The following CAMK2A variants were observed in gnomAD, a reference collection of about 807,000 sequenced individuals.
The protein encoded by CAMK2A is calcium/calmodulin-dependent protein kinase type II subunit alpha.
A neutral mutation model predicts 79.2 loss-of-function variants in CAMK2A; 7 were observed. The ratio of observed to expected loss-of-function variants is 0.09; its 90% CI spans 0.05 to 0.17. The LOEUF (loss-of-function observed/expected upper bound fraction) is 0.17, where lower values mean the gene tolerates loss of function less well. Ranked by LOEUF, CAMK2A falls within the 10% of genes least tolerant of loss-of-function variation. The pLI is 1.00. For missense variants in CAMK2A, 214 were observed against 646.4 expected, an observed-to-expected ratio of 0.33 and a Z score of 7.25; for synonymous variants, 242 against 251.7, an observed-to-expected ratio of 0.96 and a Z score of 0.36.
chr5:150,250,924 A>T, intron 9 of CAMK2A, 114 bp from the exon 10 acceptor site: 1 of 1,218,316 alleles, frequency 8.2e-7, no homozygotes, highest in Non-Finnish European at 1.2e-6. Context: ...ATCCACTCGG[A>T]CATCCACACC....
At chr5:150,238,075 G>A (rs1006341973) in intron 15 of CAMK2A, among the ~76,000 whole-genome samples, 1 of 152,118 alleles carries the variant, frequency 6.6e-6, no homozygotes, top group Non-Finnish European at 1.5e-5. Flanking sequence ...ACTTCAAAAG[G>A]AACATGTATA....
At chr5:150,233,041 C>T (rs933103566) in intron 15 of CAMK2A, among the ~76,000 whole-genome samples, 1 of 152,254 alleles carries the variant, frequency 6.6e-6, no homozygotes, top group African/African-American at 2.4e-5. Flanking sequence ...TGCCCGAATG[C>T]TTTATCTATG....
chr5:150,268,582 A>G (rs748880558), intron 2 of CAMK2A, among the ~76,000 whole-genome samples: 11 of 152,142 alleles, frequency 7.2e-5, no homozygotes, highest in Non-Finnish European at 1.6e-4. Context: ...TGTTCTTTTC[A>G]GTCTCACTGC....
intron 1 of CAMK2A, among the ~76,000 whole-genome samples, chr5:150,278,395 G>C (rs1051760226): frequency 2.7e-5 from 4 of 147,588 alleles, no homozygotes; most frequent in African/African-American, 1.0e-4. Context: ...AAAAAAAAAA[G>C]CATGTTTCTG....
chr5:150,244,586 G>T (rs890113607), intron 13 of CAMK2A, among the ~76,000 whole-genome samples: 2 of 152,220 alleles, frequency 1.3e-5, no homozygotes, highest in Non-Finnish European at 2.9e-5. Flanking sequence ...GGTAACTCGG[G>T]CTCTAGGGGT....
upstream of CAMK2A, chr5:150,290,075 C>G (rs1188993398): frequency 6.4e-6 from 1 of 155,334 alleles, no homozygotes; most frequent in Non-Finnish European, 1.4e-5. Context: ...CTCTTCCCAC[C>G]TCCCCCACCT....
In CAMK2A at chr5:150,239,690, C is replaced by T. The variant is rs202053300; in HGVS notation, c.1017+14G>A. 1,142 of 1,613,314 alleles carry T rather than the reference C, an allele frequency of 7.1e-4. 3 individuals carry two copies. The highest frequency in any genetic ancestry group is 1.2e-3 in the Admixed American group (71 of 60,024). ...CCCAGCATTTACCGGCGTTAGGAGA[C>T]GGCAGACACTCACCATTAACTGAAC... On this transcript the variant is annotated intron_variant, in intron 14 of 18. Coordinates refer to ENST00000671881, the MANE Select transcript of CAMK2A (RefSeq NM_015981.4).
Position 150,219,513 on chromosome 5 carries a change from T to A in CAMK2A, c.*3197A>T, listed in dbSNP as rs1340310074. 6.6e-6 allele frequency: 1 copy of A among 152,238 alleles called. No homozygotes were observed. Among genetic ancestry groups the A allele is most frequent in the African/African-American group, 2.4e-5 (1 of 41,414 alleles). The allele number at this position is 152,238 out of a possible 1,614,324, so 9.4% of individuals were successfully genotyped here. A position where few individuals can be genotyped will look rare whatever the true frequency, so the allele number is the denominator to read the frequency against. Reference sequence around the variant, plus strand: ...GAGTGCACAGAAGTTTGTAGCTATTTATTGCACTGAAAACACCAAGAATAA... The same window carrying A: ...GAGTGCACAGAAGTTTGTAGCTATTAATTGCACTGAAAACACCAAGAATAA... On this transcript the variant is annotated 3_prime_UTR_variant, in exon 19 of 19. Coordinates refer to ENST00000671881, the MANE Select transcript of CAMK2A (RefSeq NM_015981.4).
chr5:150,222,270 C>G lies in CAMK2A; in HGVS notation c.*440G>C. On this transcript the variant is annotated 3_prime_UTR_variant, in exon 19 of 19. Coordinates refer to ENST00000671881, the MANE Select transcript of CAMK2A (RefSeq NM_015981.4). ...GGGGAAGGGAGTGTCATCTGCCCTT[C>G]CCCGGGGACACTGGAAGAGGAGAGG... 1 of 564,418 alleles carries G rather than the reference C, an allele frequency of 1.8e-6. No individual in the cohort carries two copies. Among genetic ancestry groups the G allele is most frequent in the Non-Finnish European group, 3.2e-6 (1 of 313,986 alleles). The allele number at this position is 564,418 out of a possible 1,614,324, so 35.0% of individuals were successfully genotyped here.
rs77460855 is a variant in CAMK2A at position 150,276,730 on chromosome 5, C to T, written c.63-3571G>A. ...CAGGAGCTGGGTCTCGTCCTGCTCA[C>T]CAGCACCTGACAAAGCTTGGTCCAG... On this transcript the variant is annotated intron_variant, in intron 1 of 18. Transcript: ENST00000671881. Among the ~76,000 whole-genome samples the T allele has an allele frequency of 3.5e-3, 540 of 152,244 alleles. 1 individual carries two copies. Among genetic ancestry groups the T allele is most frequent in the African/African-American group, 0.012 (505 of 41,532 alleles).
At chr5:150,287,305 C>T (rs970746790) in intron 1 of CAMK2A, among the ~76,000 whole-genome samples, 2 of 152,290 alleles carry the variant, frequency 1.3e-5, no homozygotes, top group South Asian at 4.1e-4. Context: ...TAGGTTTGTG[C>T]GTTTTTCTGG....
At chr5:150,230,753 TTA>T (rs1754804179) in intron 16 of CAMK2A, among the ~76,000 whole-genome samples, 1 of 152,230 alleles carries the variant, frequency 6.6e-6, no homozygotes, top group Non-Finnish European at 1.5e-5. Context: ...ATGTCTCATT[TTA>T]TGTTATTTTT....
intron 15 of CAMK2A, among the ~76,000 whole-genome samples, chr5:150,234,415 CCA>C (rs1754977926): frequency 6.6e-6 from 1 of 152,064 alleles, no homozygotes; most frequent in Non-Finnish European, 1.5e-5. Context: ...AAGGGAACTT[CCA>C]GTGCCTCAGT....
At position 150,222,137 on chromosome 5, in the gene CAMK2A, G is replaced by A. The variant is rs1480273768; in HGVS notation, c.*573C>T. Reference sequence around the variant, plus strand: ...ATCCCCCACACCGAGGGAAGGGTCAGACCACCCTGAGGTCAGCACAGGAGG... The same window carrying A: ...ATCCCCCACACCGAGGGAAGGGTCAAACCACCCTGAGGTCAGCACAGGAGG... On this transcript the variant is annotated 3_prime_UTR_variant, in exon 19 of 19. Transcript: ENST00000671881. The A allele has an allele frequency of 3.9e-6, 1 of 254,646 alleles. No homozygotes were observed. Among genetic ancestry groups the A allele is most frequent in the Non-Finnish European group, 7.7e-6 (1 of 129,942 alleles). 15.8% of individuals were successfully genotyped at this position (254,646 alleles called of 1,614,324 possible).
intron 3 of CAMK2A, among the ~76,000 whole-genome samples, chr5:150,263,462 TCA>T (rs1247594223): frequency 6.7e-6 from 1 of 149,724 alleles, no homozygotes; most frequent in African/African-American, 2.5e-5. Flanking sequence ...ACACGTGCAT[TCA>T]CACACTCCAC....
intron 6 of CAMK2A, among the ~76,000 whole-genome samples, chr5:150,255,325 C>T (rs531412699): frequency 2.4e-4 from 37 of 152,344 alleles, no homozygotes; most frequent in African/African-American, 8.9e-4. Context: ...GGAGAGAAGC[C>T]GTGTCTGCCC....
intron 12 of CAMK2A, among the ~76,000 whole-genome samples, chr5:150,246,959 C>T (rs1028477312): frequency 6.6e-6 from 1 of 152,250 alleles, no homozygotes; most frequent in African/African-American, 2.4e-5. Context: ...TCTATATCTC[C>T]TCTACTGCCT....
At chr5:150,232,125 C>T (rs919741) in intron 15 of CAMK2A, among the ~76,000 whole-genome samples, 27,128 of 152,214 alleles carry the variant, frequency 0.18, 2,830 homozygotes, top group Admixed American at 0.25. Context: ...GACACCACCA[C>T]CTCTCATTCA....
intron 11 of CAMK2A, among the ~76,000 whole-genome samples, chr5:150,249,362 C>T (rs1018012517): frequency 2.6e-5 from 4 of 152,196 alleles, no homozygotes; most frequent in African/African-American, 9.7e-5. Context: ...AGTGCCTCAG[C>T]CATTCCTCCA....
Sources: gnomAD v4.1 joint callset for allele counts (sites outside exome capture counted in the v4.1 genomes callset) on GRCh38, gnomAD v4.1.1 for gene constraint, MANE v1.5 for transcripts, NCBI Gene and HGNC (gene_info 2026-07-23, HGNC 2026-07-21) for gene names.